RBM19: variants seen among roughly 807,000 people sequenced by gnomAD.
RBM19 encodes RNA binding motif protein 19.
Under a neutral mutation model 116.8 loss-of-function variants are expected in RBM19, and 94 were observed. The ratio of observed to expected loss-of-function variants is 0.80; its 90% CI spans 0.68 to 0.95. RBM19 has a LOEUF of 0.95. RBM19 is among the 40% of genes least tolerant of loss of function. The pLI is 0.00. For synonymous variants in RBM19, 475 were observed against 494.1 expected (o/e 0.96, Z 0.51); for missense variants, 1,161 against 1,220.7 (o/e 0.95, Z 0.73).
At chr12:113,931,615 C>G (rs1044103730) in intron 16 of RBM19, among the ~76,000 whole-genome samples, 6 of 152,140 alleles carry the variant, frequency 3.9e-5, no homozygotes, top group Admixed American at 2.6e-4. Flanking sequence ...CATCCCTCAC[C>G]CTTTTCCCTT....
downstream of RBM19, among the ~76,000 whole-genome samples, chr12:113,820,065 TGGGTGTAAAGA>T (rs1874312606): frequency 1.3e-5 from 2 of 151,792 alleles, no homozygotes; most frequent in Admixed American, 1.3e-4. Context: ...GGGTTGGGGC[TGGGTGTAAAGA>T]GGAGCTGGGT....
chr12:113,828,728 G>A (rs1197692120), intron 23 of RBM19, among the ~76,000 whole-genome samples: 2 of 152,170 alleles, frequency 1.3e-5, no homozygotes, highest in African/African-American at 4.8e-5. Flanking sequence ...TGGCTTGGGA[G>A]GCTGCCTGCT....
At chr12:113,821,428 G>C (rs1179178299), downstream of RBM19, among the ~76,000 whole-genome samples, 1 of 152,154 alleles carries the variant, frequency 6.6e-6, no homozygotes, top group East Asian at 1.9e-4. Flanking sequence ...AACAGGACAC[G>C]ATCCAGCTCA....
chr12:113,838,448 A>G (rs570209423), intron 23 of RBM19, among the ~76,000 whole-genome samples: 4 of 152,156 alleles, frequency 2.6e-5, no homozygotes, highest in African/African-American at 9.7e-5. Flanking sequence ...CACGGGGAGA[A>G]CATGCAAACA....
At chr12:113,824,624 T>G (rs1003397643) in intron 23 of RBM19, among the ~76,000 whole-genome samples, 6 of 151,942 alleles carry the variant, frequency 3.9e-5, no homozygotes, top group African/African-American at 1.5e-4. Context: ...TCCCTGGAGC[T>G]CACAGCAGCG....
At chr12:113,887,520 G>A (rs1455414637) in intron 21 of RBM19, among the ~76,000 whole-genome samples, 4 of 140,138 alleles carry the variant, frequency 2.9e-5, no homozygotes, top group African/African-American at 8.1e-5. Context: ...ACTTGTGGTC[G>A]CAGCTACTCG....
chr12:113,937,270 GC>G, intron 15 of RBM19, 134 bp from the exon 16 acceptor site: 1 of 1,076,708 alleles, frequency 9.3e-7, no homozygotes, highest in Non-Finnish European at 1.3e-6. Flanking sequence ...GCCGGAAGGA[GC>G]CCAGCCCAGA....
At chr12:113,824,464 G>A (rs1185946829) in intron 23 of RBM19, among the ~76,000 whole-genome samples, 3 of 152,118 alleles carry the variant, frequency 2.0e-5, no homozygotes, top group South Asian at 2.1e-4. Context: ...ACCACTTGTC[G>A]ATGAGCAGCC....
At chr12:113,876,605 A>G (rs1879684920) in intron 21 of RBM19, among the ~76,000 whole-genome samples, 1 of 152,032 alleles carries the variant, frequency 6.6e-6, no homozygotes, top group Admixed American at 6.6e-5. Context: ...AGCCTGGGCA[A>G]CATGGTGAAA....
chr12:113,853,321 C>T (rs1334495355), intron 22 of RBM19, among the ~76,000 whole-genome samples: 2 of 152,184 alleles, frequency 1.3e-5, no homozygotes, highest in African/African-American at 2.4e-5. Context: ...CATCGCGTCT[C>T]CCTACTGCTG....
chr12:113,841,021 TC>T (rs1252867680), intron 23 of RBM19, among the ~76,000 whole-genome samples: 1 of 152,154 alleles, frequency 6.6e-6, no homozygotes, highest in African/African-American at 2.4e-5. Flanking sequence ...TTAGTGCTCA[TC>T]TTTGACATAC....
At chr12:113,866,342 C>T (rs796864687) in intron 21 of RBM19, among the ~76,000 whole-genome samples, 11 of 152,280 alleles carry the variant, frequency 7.2e-5, no homozygotes, top group African/African-American at 2.6e-4. Context: ...GGGCCTTTAG[C>T]TTTTCTCAAT....
At chr12:113,857,020 T>C (rs1054290337) in intron 22 of RBM19, among the ~76,000 whole-genome samples, 2 of 152,240 alleles carry the variant, frequency 1.3e-5, no homozygotes, top group East Asian at 1.9e-4. Context: ...AGCTCTTGCA[T>C]TGTTCTTTGT....
At chr12:113,921,697 G>A (rs111245630) in intron 18 of RBM19, among the ~76,000 whole-genome samples, 126 of 152,260 alleles carry the variant, frequency 8.3e-4, no homozygotes, top group South Asian at 7.9e-3. Context: ...TTAAATGTTC[G>A]TTCTGCAAGC....
rs528484076 is a variant in RBM19, at chr12:113,915,679, G to A, written c.2442-594C>T. ...CAAGCTGGGTGTGAATGCCAAATCC[G>A]ACACTTAGGATCTCTGCGATCTTGG... On this transcript the variant is annotated intron_variant, in intron 20 of 23. Coordinates refer to ENST00000261741, the MANE Select transcript of RBM19 (RefSeq NM_016196.4). Among the ~76,000 whole-genome samples the A allele has an allele frequency of 4.6e-5, 7 of 152,300 alleles. No individual in the cohort carries two copies. In the South Asian group the frequency reaches 8.3e-4, roughly 18 times the overall value.
At chr12:113,919,488 G>A (rs1413245581) in intron 19 of RBM19, among the ~76,000 whole-genome samples, 3 of 152,180 alleles carry the variant, frequency 2.0e-5, no homozygotes, top group African/African-American at 4.8e-5. Context: ...GGAGAATGGC[G>A]TGAACCTGGG....
chr12:113,833,981 A>G (rs550184486), intron 23 of RBM19, among the ~76,000 whole-genome samples: 1 of 152,276 alleles, frequency 6.6e-6, no homozygotes, highest in South Asian at 2.1e-4. Flanking sequence ...CCTAGGCTCA[A>G]GTGATCCTCC....
intron 21 of RBM19, among the ~76,000 whole-genome samples, chr12:113,867,584 T>C (rs371447903): frequency 2.6e-5 from 4 of 152,324 alleles, no homozygotes; most frequent in Admixed American, 6.5e-5. Context: ...AATATGCATA[T>C]GTACTGCTAT....
At chr12:113,877,072 C>T (rs934761656) in intron 21 of RBM19, among the ~76,000 whole-genome samples, 4 of 152,214 alleles carry the variant, frequency 2.6e-5, no homozygotes, top group African/African-American at 4.8e-5. Context: ...TCCCATGCCC[C>T]CACTGGGCTG....
Sources: gnomAD v4.1 joint callset for allele counts (sites outside exome capture counted in the v4.1 genomes callset) on GRCh38, gnomAD v4.1.1 for gene constraint, MANE v1.5 for transcripts, NCBI Gene and HGNC (gene_info 2026-07-23, HGNC 2026-07-21) for gene names.